Variants in SCAPER observed in about 807,000 individuals in gnomAD.
SCAPER encodes the protein S phase cyclin A-associated protein in the endoplasmic reticulum.
SCAPER carries 98 observed loss-of-function variants against 182.2 expected under a neutral mutation model. The ratio of observed to expected loss-of-function variants is 0.54; its 90% CI spans 0.46 to 0.64. The LOEUF is 0.64. Among genes scored for constraint, SCAPER ranks in the 30% least tolerant of loss-of-function variants. SCAPER has a pLI of 0.00. For synonymous variants in SCAPER, 605 were observed against 564.6 expected, an observed-to-expected ratio of 1.07 and a Z score of -1.01; for missense variants, 1,432 against 1,690.0, an observed-to-expected ratio of 0.85 and a Z score of 2.68.
chr15:76,780,215 A>C (rs2064024272), intron 8 of SCAPER, among the ~76,000 whole-genome samples: 1 of 152,254 alleles, frequency 6.6e-6, no homozygotes, highest in African/African-American at 2.4e-5. Context: ...CTGGAAGACC[A>C]GGAGATTCTC....
intron 23 of SCAPER, among the ~76,000 whole-genome samples, chr15:76,519,288 T>C (rs1407948475): frequency 6.6e-6 from 1 of 152,144 alleles, no homozygotes; most frequent in Non-Finnish European, 1.5e-5. Flanking sequence ...AGTGATCATA[T>C]AGAAAATAAA....
At chr15:76,766,440 C>A (rs1326354175) in intron 11 of SCAPER, among the ~76,000 whole-genome samples, 2 of 152,122 alleles carry the variant, frequency 1.3e-5, no homozygotes, top group Non-Finnish European at 2.9e-5. Context: ...TTAGCTTCAT[C>A]TTCACTTTCT....
intron 11 of SCAPER, 54 bp from the exon 12 acceptor site, chr15:76,765,692 T>A: frequency 7.2e-7 from 1 of 1,381,066 alleles, no homozygotes; most frequent in Non-Finnish European, 1.0e-6. Context: ...AATTACAACT[T>A]TAGAAAATGA....
chr15:76,518,939 T>C (rs1222715893), intron 23 of SCAPER, among the ~76,000 whole-genome samples: 2 of 152,234 alleles, frequency 1.3e-5, no homozygotes, highest in Non-Finnish European at 2.9e-5. Context: ...AGAGTTAATA[T>C]TGCCCCACTG....
At chr15:76,466,104 AT>A (rs1394969147) in intron 25 of SCAPER, among the ~76,000 whole-genome samples, 3 of 151,928 alleles carry the variant, frequency 2.0e-5, no homozygotes, top group Admixed American at 1.3e-4. Flanking sequence ...CTGGATGTCC[AT>A]TTTCTTTCCC....
intron 23 of SCAPER, among the ~76,000 whole-genome samples, chr15:76,521,008 A>G (rs1229903429): frequency 6.6e-6 from 1 of 152,224 alleles, no homozygotes; most frequent in Non-Finnish European, 1.5e-5. Flanking sequence ...TAGATTAGAG[A>G]TAGCTCTATG....
intron 15 of SCAPER, 51 bp downstream of exon 15, chr15:76,753,757 C>A: frequency 6.4e-7 from 1 of 1,567,982 alleles, no homozygotes; most frequent in South Asian, 1.2e-5. Context: ...TATAACAATT[C>A]AAAAAAGTAC....
At chr15:76,727,956 C>T (rs2060691544) in intron 17 of SCAPER, among the ~76,000 whole-genome samples, 1 of 151,966 alleles carries the variant, frequency 6.6e-6, no homozygotes, top group Non-Finnish European at 1.5e-5. Flanking sequence ...GTTGTTCAGC[C>T]TTATTATTAA....
At chr15:76,573,785 A>G (rs970200685) in intron 23 of SCAPER, among the ~76,000 whole-genome samples, 2 of 152,146 alleles carry the variant, frequency 1.3e-5, no homozygotes, top group African/African-American at 4.8e-5. Flanking sequence ...ATCAGGGGAT[A>G]TTGGTGTTTT....
intron 25 of SCAPER, among the ~76,000 whole-genome samples, chr15:76,438,228 G>C (rs1338753668): frequency 6.7e-6 from 1 of 148,332 alleles, no homozygotes; most frequent in African/African-American, 2.5e-5. Context: ...GTTGCAGTGA[G>C]CCGAGATCGT....
intron 23 of SCAPER, among the ~76,000 whole-genome samples, chr15:76,508,716 A>C (rs1160013485): frequency 6.6e-6 from 1 of 152,118 alleles, no homozygotes; most frequent in African/African-American, 2.4e-5. Flanking sequence ...GGTATATCTT[A>C]TAATAGGGTG....
At chr15:76,746,174 C>T (rs931087027) in intron 15 of SCAPER, among the ~76,000 whole-genome samples, 4 of 152,238 alleles carry the variant, frequency 2.6e-5, no homozygotes, top group Admixed American at 6.5e-5. Flanking sequence ...ACTCAACAAA[C>T]GATGAATAAA....
chr15:76,722,922 A>T (rs1224570149), intron 17 of SCAPER, among the ~76,000 whole-genome samples: 4 of 151,508 alleles, frequency 2.6e-5, no homozygotes, highest in South Asian at 2.1e-4. Context: ...TTGTGTCTCT[A>T]TTTCCTTCAG....
At position 76,638,187 on chromosome 15, in the gene SCAPER, T is replaced by C. The variant is rs11856541; in HGVS notation, c.2646-16358A>G. 8.1e-3 allele frequency among the ~76,000 whole-genome samples: 1,236 copies of C among 152,300 alleles called. 12 individuals are homozygous for C. The highest frequency in any genetic ancestry group is 0.028 in the African/African-American group (1,172 of 41,558). ...TGTTTTTGTTGCTTGCCATTTTGTTTTGTGATTTCTGTTCAGTAAGGTCAT... is the reference window on the plus strand; with the variant it reads ...TGTTTTTGTTGCTTGCCATTTTGTTCTGTGATTTCTGTTCAGTAAGGTCAT... On this transcript the variant is annotated intron_variant, in intron 21 of 31. Coordinates refer to ENST00000563290, the MANE Select transcript of SCAPER (RefSeq NM_020843.4).
intron 16 of SCAPER, among the ~76,000 whole-genome samples, chr15:76,732,834 C>G (rs2061002891): frequency 6.6e-6 from 1 of 152,222 alleles, no homozygotes; most frequent in Admixed American, 6.5e-5. Context: ...TACTAAAAGT[C>G]TCTGATATGC....
chr15:76,808,642 T>C (rs2066363968), intron 5 of SCAPER, among the ~76,000 whole-genome samples: 1 of 152,220 alleles, frequency 6.6e-6, no homozygotes, highest in Non-Finnish European at 1.5e-5. Flanking sequence ...AGCTGCTACC[T>C]GAAACTGCAG....
intron 7 of SCAPER, among the ~76,000 whole-genome samples, chr15:76,795,924 G>A (rs1018312074): frequency 2.0e-5 from 3 of 152,048 alleles, no homozygotes; most frequent in Admixed American, 6.6e-5. Flanking sequence ...AGCTGGGCGC[G>A]GTGGTGTGCA....
At chr15:76,621,963 C>T (rs765607802) in intron 21 of SCAPER, 134 bp from the exon 22 acceptor site, 3 of 605,594 alleles carry the variant, frequency 5.0e-6, no homozygotes, top group Non-Finnish European at 8.8e-6. Context: ...TGGCTGACTA[C>T]CTATGTACCT....
At chr15:76,762,221 T>C (rs908598535) in intron 14 of SCAPER, among the ~76,000 whole-genome samples, 2 of 152,280 alleles carry the variant, frequency 1.3e-5, no homozygotes, top group South Asian at 4.1e-4. Context: ...TGCCCTTTGA[T>C]TGGGGAGTTT....
Sources: gnomAD v4.1 joint callset for allele counts (sites outside exome capture counted in the v4.1 genomes callset) on GRCh38, gnomAD v4.1.1 for gene constraint, MANE v1.5 for transcripts, NCBI Gene and HGNC (gene_info 2026-07-23, HGNC 2026-07-21) for gene names.